MAN1B1: variants seen among roughly 807,000 people sequenced by gnomAD.
The protein encoded by MAN1B1 is endoplasmic reticulum mannosyl-oligosaccharide 1,2-alpha-mannosidase.
Under a neutral mutation model 75.5 loss-of-function variants are expected in MAN1B1, and 66 were observed. The ratio of observed to expected loss-of-function variants is 0.87; its 90% CI spans 0.72 to 1.07. MAN1B1 has a LOEUF of 1.07. MAN1B1 is among the 50% of genes least tolerant of loss of function. The pLI is 0.00. For missense variants in MAN1B1, 973 were observed against 912.5 expected (o/e 1.07, Z -0.85); for synonymous variants, 453 against 382.8 (o/e 1.18, Z -2.14).
chr9:137,101,097 G>C lies in MAN1B1; in HGVS notation c.1009G>C (p.Gly337Arg). ...NLFESTIRIL[G>R]GLLSAYHLSG... ...GTTTGAGAGCACGATCCGCATCCTGGGGGGGCTCCTGAGTGCCTACCACCT... is the reference window on the plus strand; with the variant it reads ...GTTTGAGAGCACGATCCGCATCCTGCGGGGGCTCCTGAGTGCCTACCACCT... Residue 337 changes from glycine to arginine, a missense_variant, in exon 7 of 13, where the codon GGG (glycine) becomes CGG (arginine). By Grantham distance (125) the Gly-to-Arg change is moderately radical. Transcript: ENST00000371589. 1.2e-6 allele frequency: 2 copies of C among 1,614,140 alleles called. No homozygotes were observed. The highest frequency in any genetic ancestry group is 1.7e-6 in the Non-Finnish European group (2 of 1,180,024).
At chr9:137,099,928 C>T (rs1240745608) in intron 6 of MAN1B1, 47 bp downstream of exon 6, 18 of 1,605,352 alleles carry the variant, frequency 1.1e-5, no homozygotes, top group South Asian at 1.1e-5. Context: ...GTGTGGGCCT[C>T]GTGTGCTGAG....
chr9:137,107,038 G>C (rs1333759597), intron 10 of MAN1B1: 3 of 744,544 alleles, frequency 4.0e-6, no homozygotes, highest in South Asian at 1.9e-5. Context: ...CCCGTGCCCG[G>C]TGTGTAGCAG....
chr9:137,105,277 C>G (rs1203024016), intron 8 of MAN1B1: 4 of 153,482 alleles, frequency 2.6e-5, no homozygotes, highest in African/African-American at 9.6e-5. Context: ...TAATCATGAG[C>G]TGGACACAGC....
At chr9:137,091,750 TC>T (rs893020186) in intron 3 of MAN1B1, among the ~76,000 whole-genome samples, 4 of 151,952 alleles carry the variant, frequency 2.6e-5, no homozygotes, top group Non-Finnish European at 5.9e-5. Flanking sequence ...ATGGTCTTGA[TC>T]ACCTGACCTC....
At chr9:137,092,614 C>T (rs1172477972) in intron 3 of MAN1B1, among the ~76,000 whole-genome samples, 3 of 152,298 alleles carry the variant, frequency 2.0e-5, no homozygotes, top group African/African-American at 4.8e-5. Flanking sequence ...ATCCGTTGTA[C>T]GTAAACTATT....
At position 137,087,232 on chromosome 9, in the gene MAN1B1, C is replaced by A; in HGVS notation, c.219+14C>A. 1.3e-6 allele frequency: 2 copies of A among 1,562,548 alleles called. No homozygotes were observed. Among genetic ancestry groups the A allele is most frequent in the Non-Finnish European group, 1.7e-6 (2 of 1,153,950 alleles). The stretch of plus-strand genomic sequence containing the variant: ...TCGTGCTGGAGGGTGAGGGTCGCGC[C>A]GGGCTGACTGGGGCCCGGGGCTGCC... On this transcript the variant is annotated intron_variant, in intron 1 of 12. Transcript: ENST00000371589.
intron 12 of MAN1B1, 82 bp from the exon 13 acceptor site, chr9:137,108,306 G>A: frequency 8.1e-7 from 1 of 1,235,622 alleles, no homozygotes; most frequent in Non-Finnish European, 1.2e-6. Context: ...ATTCACCATG[G>A]GGTGGAGAGC....
chr9:137,108,333 T>C (rs1831190858), intron 12 of MAN1B1, 55 bp from the exon 13 acceptor site: 1 of 1,456,746 alleles, frequency 6.9e-7, no homozygotes, highest in Admixed American at 1.7e-5. Flanking sequence ...GTGATGAGGC[T>C]GAGGGGGGTG....
At chr9:137,098,408 GAAA>G (rs1830715053) in intron 5 of MAN1B1, among the ~76,000 whole-genome samples, 1 of 152,244 alleles carries the variant, frequency 6.6e-6, no homozygotes, top group Non-Finnish European at 1.5e-5. Context: ...TCTCCAGACT[GAAA>G]AGCAGGGCTG....
chr9:137,095,373 TAA>T (rs1272042411), intron 3 of MAN1B1, among the ~76,000 whole-genome samples: 4 of 144,948 alleles, frequency 2.8e-5, no homozygotes, highest in African/African-American at 7.5e-5. Flanking sequence ...TTTCCTTTTT[TAA>T]AAAAAAAAAA....
rs1309450658 is a variant in MAN1B1 at position 137,087,113 on chromosome 9, CCCACCG to C, written c.117_122del (p.Pro44_Pro45del). 1.9e-6 allele frequency: 3 copies of C among 1,592,782 alleles called. No homozygotes were observed. Among genetic ancestry groups the C allele is most frequent in the Admixed American group, 1.8e-5 (1 of 56,596 alleles). On this transcript the variant is annotated inframe_deletion, in exon 1 of 13. Coordinates refer to ENST00000371589, the MANE Select transcript of MAN1B1 (RefSeq NM_016219.5). ...CCGTCGCCACCACTGTAGTCATGTA[CCCACCG>C]CCGCCGCCGCCGCCTCATCGGGACT...
At chr9:137,093,416 A>G (rs1218168542) in intron 3 of MAN1B1, among the ~76,000 whole-genome samples, 1 of 152,196 alleles carries the variant, frequency 6.6e-6, no homozygotes, top group Non-Finnish European at 1.5e-5. Flanking sequence ...TCACAATCAC[A>G]AGAAAAGAAT....
chr9:137,098,023 TG>T, intron 5 of MAN1B1, 86 bp downstream of exon 5: 1 of 1,052,112 alleles, frequency 9.5e-7, no homozygotes, highest in Non-Finnish European at 1.4e-6. Flanking sequence ...CCATGGTGGG[TG>T]GCGCCCCCGC....
intron 5 of MAN1B1, among the ~76,000 whole-genome samples, chr9:137,099,296 C>CA (rs1391309821): frequency 6.6e-6 from 1 of 152,274 alleles, no homozygotes; most frequent in Non-Finnish European, 1.5e-5. Flanking sequence ...GCACCACACT[C>CA]ACCCACGTCT....
intron 8 of MAN1B1, chr9:137,102,381 A>C: frequency 2.3e-6 from 1 of 427,888 alleles, no homozygotes; most frequent in Non-Finnish European, 4.6e-6. Flanking sequence ...GCAGACGTGC[A>C]GGTCAGTGCT....
intron 8 of MAN1B1, 120 bp downstream of exon 8, chr9:137,101,792 A>G: frequency 5.1e-6 from 6 of 1,173,080 alleles, no homozygotes; most frequent in Non-Finnish European, 7.4e-6. Context: ...TTACTGTGAT[A>G]AAACACACAA....
rs750236367 is a variant in MAN1B1, at chr9:137,099,847, G to T, written c.882G>T (p.Ala294=). 6.2e-7 allele frequency: 1 copy of T among 1,614,198 alleles called. No individual in the cohort carries two copies. The highest frequency in any genetic ancestry group is 1.1e-5 in the South Asian group (1 of 91,088). The change falls in exon 6 of 13, where the codon GCG becomes GCT. Residue 294 remains alanine (A), a synonymous_variant. Transcript: ENST00000371589. ...GCCTCGGTCTCACACTGATCGACGC[G>T]CTGGACACCATGTGGATCTTGGGTC... The part of the protein sequence containing the change: ...WFGLGLTLID[A]LDTMWILGLR...
intron 8 of MAN1B1, chr9:137,105,886 G>C (rs146507379): frequency 1.5e-6 from 1 of 669,026 alleles, no homozygotes; most frequent in Non-Finnish European, 2.8e-6. Flanking sequence ...CAGCTCTGTG[G>C]TGACCACCCG....
chr9:137,088,796 G>GT, intron 2 of MAN1B1, 73 bp from the exon 3 acceptor site: 1 of 1,537,694 alleles, frequency 6.5e-7, no homozygotes, highest in Non-Finnish European at 9.0e-7. Context: ...CCTGCCAAGT[G>GT]TTTTTATAAA....
Sources: allele counts gnomAD v4.1 joint callset (sites outside exome capture counted in the v4.1 genomes callset), GRCh38; gene constraint gnomAD v4.1.1; transcripts MANE v1.5; gene names NCBI Gene and HGNC (gene_info 2026-07-23, HGNC 2026-07-21).